SEZ6L: variants seen among roughly 807,000 people sequenced by gnomAD.
SEZ6L encodes seizure 6-like protein.
Under a neutral mutation model 106.2 loss-of-function variants are expected in SEZ6L, and 37 were observed. The observed-to-expected ratio is 0.35, with a 90% CI of 0.27 to 0.46. The LOEUF is 0.46. Among genes scored for constraint, SEZ6L ranks in the 20% least tolerant of loss-of-function variants. The probability of loss-of-function intolerance (pLI) is 1.00; values close to 1 mark genes in which losing one functional copy is unlikely to be tolerated. For missense variants in SEZ6L, 1,172 were observed against 1,332.8 expected, an observed-to-expected ratio of 0.88 and a Z score of 1.88; for synonymous variants, 541 against 570.4, an observed-to-expected ratio of 0.95 and a Z score of 0.73.
chr22:26,279,569 A>G (rs2080689985), intron 1 of SEZ6L, among the ~76,000 whole-genome samples: 1 of 152,174 alleles, frequency 6.6e-6, no homozygotes, highest in South Asian at 2.1e-4. Context: ...GGGCGAAAAG[A>G]AAGGAAGTTA....
chr22:26,317,656 A>T (rs771974266), intron 9 of SEZ6L, among the ~76,000 whole-genome samples: 7 of 152,078 alleles, frequency 4.6e-5, no homozygotes, highest in Admixed American at 2.0e-4. Flanking sequence ...CCGATCCGGG[A>T]ACCTCATGCA....
In SEZ6L at chr22:26,347,584, T is replaced by A. The variant is rs191292280; in HGVS notation, c.2213-135T>A. On this transcript the variant is annotated intron_variant, in intron 10 of 16. Coordinates refer to ENST00000248933, the MANE Select transcript of SEZ6L (RefSeq NM_021115.5). ...TCACTATAGACGAGCTCTTGCCAGT[T>A]AAGCGATTTTGGAAGCGTGTTGCTC... 209 of 644,904 alleles carry A rather than the reference T, an allele frequency of 3.2e-4. 3 individuals are homozygous for A. The East Asian group carries it at 5.6e-3, about 17-fold the overall frequency. The allele number at this position is 644,904 out of a possible 1,614,324, so 39.9% of individuals were successfully genotyped here. A position where few individuals can be genotyped will look rare whatever the true frequency, so the allele number is the denominator to read the frequency against.
chr22:26,359,759 C>T (rs539712772), intron 12 of SEZ6L, among the ~76,000 whole-genome samples: 94 of 152,160 alleles, frequency 6.2e-4, no homozygotes, highest in Non-Finnish European at 1.1e-3. Context: ...GCTGTGTTCA[C>T]GCCACTGCAC....
At chr22:26,196,519 G>GA (rs1376704997) in intron 1 of SEZ6L, among the ~76,000 whole-genome samples, 1 of 152,198 alleles carries the variant, frequency 6.6e-6, no homozygotes, top group Admixed American at 6.5e-5. Flanking sequence ...TCAGGCTCCA[G>GA]AACACACACA....
chr22:26,285,243 AGAAT>A (rs138251564), intron 1 of SEZ6L, among the ~76,000 whole-genome samples: 2 of 152,152 alleles, frequency 1.3e-5, no homozygotes, highest in Non-Finnish European at 2.9e-5. Flanking sequence ...TAATAAGTGC[AGAAT>A]GAATGAATGA....
intron 12 of SEZ6L, among the ~76,000 whole-genome samples, chr22:26,363,551 G>A (rs981938591): frequency 6.6e-6 from 1 of 152,226 alleles, no homozygotes; most frequent in African/African-American, 2.4e-5. Flanking sequence ...TTATGATGAT[G>A]ATAAGACAGA....
chr22:26,377,541 G>A (rs2084269434), intron 15 of SEZ6L, 132 bp from the exon 16 acceptor site: 3 of 730,560 alleles, frequency 4.1e-6, no homozygotes, highest in Non-Finnish European at 7.3e-6. Context: ...GCAAAAGGCT[G>A]TTTGCACACA....
Position 26,306,588 on chromosome 22 carries a change from TGAA to T in SEZ6L, c.1514+446_1514+448del, listed in dbSNP as rs1039019567. ...AACTAGACGTATGCACATGAAAGAA[TGAA>T]GGAGAAGTTACCAGGCAATATCTAA... On this transcript the variant is annotated intron_variant, in intron 6 of 16. Coordinates refer to ENST00000248933, the MANE Select transcript of SEZ6L (RefSeq NM_021115.5). Among the ~76,000 whole-genome samples, 4 of 152,252 alleles carry T rather than the reference TGAA, an allele frequency of 2.6e-5. No individual in the cohort carries two copies. The South Asian group carries it at 6.2e-4, about 24-fold the overall frequency.
intron 4 of SEZ6L, among the ~76,000 whole-genome samples, chr22:26,297,657 A>G (rs1488855292): frequency 6.6e-6 from 1 of 151,620 alleles, no homozygotes; most frequent in Non-Finnish European, 1.5e-5. Context: ...TTCTTCCTCT[A>G]CTGGTTTTCC....
chr22:26,208,105 C>T (rs1228569341), intron 1 of SEZ6L, among the ~76,000 whole-genome samples: 4 of 151,600 alleles, frequency 2.6e-5, no homozygotes, highest in African/African-American at 9.7e-5. Context: ...TTAGTAGAGA[C>T]GGGGTTTCAC....
intron 1 of SEZ6L, among the ~76,000 whole-genome samples, chr22:26,222,731 T>A (rs964279192): frequency 6.6e-6 from 1 of 152,136 alleles, no homozygotes; most frequent in Non-Finnish European, 1.5e-5. Context: ...CATAAAAAAA[T>A]TTTTTTCATT....
chr22:26,267,661 A>G (rs983973687), intron 1 of SEZ6L, among the ~76,000 whole-genome samples: 5 of 152,212 alleles, frequency 3.3e-5, no homozygotes. Context: ...AGGCATTTTA[A>G]TTGTGCAAGA....
chr22:26,349,517 T>G (rs2083201806), intron 11 of SEZ6L, among the ~76,000 whole-genome samples: 1 of 152,240 alleles, frequency 6.6e-6, no homozygotes, highest in Admixed American at 6.5e-5. Flanking sequence ...ATACATACAT[T>G]ACATGTCACA....
At chr22:26,220,779 G>T (rs1569393247) in intron 1 of SEZ6L, among the ~76,000 whole-genome samples, 1 of 152,178 alleles carries the variant, frequency 6.6e-6, no homozygotes, top group Non-Finnish European at 1.5e-5. Context: ...TTAGCATGGG[G>T]TTTAGCACCC....
intron 1 of SEZ6L, among the ~76,000 whole-genome samples, chr22:26,186,790 G>A (rs953706137): frequency 6.6e-6 from 1 of 152,138 alleles, no homozygotes; most frequent in Non-Finnish European, 1.5e-5. Flanking sequence ...ATCAAGCAGA[G>A]AATCATTGTC....
At chr22:26,286,740 T>A (rs972815804) in intron 1 of SEZ6L, among the ~76,000 whole-genome samples, 1 of 141,962 alleles carries the variant, frequency 7.0e-6, no homozygotes, top group Non-Finnish European at 1.5e-5. Flanking sequence ...GCTTCAGAGC[T>A]TGTGCTTTTT....
intron 12 of SEZ6L, among the ~76,000 whole-genome samples, chr22:26,357,540 T>C (rs1481412384): frequency 6.6e-6 from 1 of 152,182 alleles, no homozygotes; most frequent in African/African-American, 2.4e-5. Context: ...GAACCTACAG[T>C]GACATCTGTC....
intron 1 of SEZ6L, among the ~76,000 whole-genome samples, chr22:26,253,119 C>T (rs983903591): frequency 7.2e-5 from 11 of 152,116 alleles, no homozygotes; most frequent in Non-Finnish European, 1.5e-4. Flanking sequence ...TATTATTCTC[C>T]TCCATTTTAT....
At chr22:26,208,841 ACTCT>A (rs202119093) in intron 1 of SEZ6L, among the ~76,000 whole-genome samples, 832 of 72,550 alleles carry the variant, frequency 0.011, 7 homozygotes, top group Middle Eastern at 0.027. Context: ...CTACTTCTTG[ACTCT>A]CTCTCTGTGT....
Sources: allele counts gnomAD v4.1 joint callset (sites outside exome capture counted in the v4.1 genomes callset), GRCh38; gene constraint gnomAD v4.1.1; transcripts MANE v1.5; gene names NCBI Gene and HGNC (gene_info 2026-07-23, HGNC 2026-07-21).